The following INPP4B variants were observed in gnomAD, a reference collection of about 807,000 sequenced individuals.
The protein encoded by INPP4B is inositol polyphosphate 4-phosphatase type II.
Under a neutral mutation model 122.5 loss-of-function variants are expected in INPP4B, and 55 were observed. That is an observed-to-expected ratio of 0.45 (90% confidence interval 0.36 to 0.56). The LOEUF is 0.56. Ranked by LOEUF, INPP4B falls within the 20% of genes least tolerant of loss-of-function variation. INPP4B has a pLI of 0.00. For synonymous variants in INPP4B, 403 were observed against 388.7 expected (o/e 1.04, Z -0.43); for missense variants, 1,000 against 1,097.7 (o/e 0.91, Z 1.26).
chr4:142,498,498 G>A (rs553740286), intron 2 of INPP4B, among the ~76,000 whole-genome samples: 7 of 152,124 alleles, frequency 4.6e-5, no homozygotes, highest in South Asian at 2.1e-4. Flanking sequence ...TAAAAAAGGA[G>A]CTAATTTAGG....
rs1406419373 is a variant in INPP4B at position 142,245,996 on chromosome 4, ATGTGTATGTATACACACATG to A, written c.689-8005_689-7986del. Among the ~76,000 whole-genome samples, 127 of 136,368 alleles carry A rather than the reference ATGTGTATGTATACACACATG, an allele frequency of 9.3e-4. 2 individuals are homozygous for A. Among genetic ancestry groups the A allele is most frequent in the Non-Finnish European group, 1.3e-4 (8 of 62,572 alleles). The allele number at this position is 136,368 out of a possible 152,430, so 89.5% of individuals were successfully genotyped here. A position where few individuals can be genotyped will look rare whatever the true frequency, so the allele number is the denominator to read the frequency against. On this transcript the variant is annotated intron_variant, in intron 11 of 25. Transcript: ENST00000262992. Reference sequence around the variant, plus strand: ...CACATGTGTGTATGTATACATATATATGTGTATGTATACACACATGTGTGTATGTACACACACGTGTGTGT... The same window carrying A: ...CACATGTGTGTATGTATACATATATATGTGTATGTACACACACGTGTGTGT...
At chr4:142,147,627 T>C (rs2152850568) in intron 17 of INPP4B, among the ~76,000 whole-genome samples, 1 of 152,138 alleles carries the variant, frequency 6.6e-6, no homozygotes, top group East Asian at 1.9e-4. Flanking sequence ...TTGTTGAAAT[T>C]ATTACTATTT....
chr4:142,806,824 A>AAAGAAAG (rs1778901688), intron 1 of INPP4B, among the ~76,000 whole-genome samples: 1 of 149,802 alleles, frequency 6.7e-6, no homozygotes, highest in African/African-American at 2.5e-5. Flanking sequence ...AGAAAGAAAG[A>AAAGAAAG]AAGAAAGAAA....
intron 7 of INPP4B, among the ~76,000 whole-genome samples, chr4:142,356,476 G>T (rs920083334): frequency 6.6e-6 from 1 of 151,704 alleles, no homozygotes; most frequent in African/African-American, 2.4e-5. Context: ...AAGGGTTGGG[G>T]ATCCTGGTTA....
chr4:142,319,508 C>T (rs142471489), intron 7 of INPP4B, among the ~76,000 whole-genome samples: 2,146 of 152,282 alleles, frequency 0.014, 20 homozygotes, highest in Non-Finnish European at 0.022. Context: ...TTTTGCCCTG[C>T]TTCACAGTAT....
At chr4:142,789,812 A>G (rs979183837) in intron 1 of INPP4B, among the ~76,000 whole-genome samples, 5 of 152,178 alleles carry the variant, frequency 3.3e-5, no homozygotes, top group Non-Finnish European at 7.4e-5. Context: ...ATCTAGAAGC[A>G]TCACATTACC....
At chr4:142,448,607 A>G (rs1379522217) in intron 3 of INPP4B, among the ~76,000 whole-genome samples, 2 of 152,188 alleles carry the variant, frequency 1.3e-5, no homozygotes, top group Non-Finnish European at 2.9e-5. Context: ...AATAATGTCA[A>G]GAAAAGGTAA....
At chr4:142,517,714 C>T (rs1166886346) in intron 2 of INPP4B, among the ~76,000 whole-genome samples, 1 of 152,092 alleles carries the variant, frequency 6.6e-6, no homozygotes, top group Non-Finnish European at 1.5e-5. Context: ...GAGTCTATTT[C>T]CATTGAAAGA....
At chr4:142,032,588 A>G (rs1740995828) in intron 25 of INPP4B, among the ~76,000 whole-genome samples, 1 of 152,222 alleles carries the variant, frequency 6.6e-6, no homozygotes, top group Non-Finnish European at 1.5e-5. Context: ...TTCAAAAAAT[A>G]TATATTAGTA....
intron 1 of INPP4B, among the ~76,000 whole-genome samples, chr4:142,805,582 C>T (rs1778579046): frequency 6.6e-6 from 1 of 152,156 alleles, no homozygotes; most frequent in Non-Finnish European, 1.5e-5. Flanking sequence ...AAGACCAACC[C>T]TTCCTTTCCT....
chr4:142,488,031 C>T (rs1024979463), intron 2 of INPP4B, among the ~76,000 whole-genome samples: 1 of 151,984 alleles, frequency 6.6e-6, no homozygotes, highest in Non-Finnish European at 1.5e-5. Flanking sequence ...AAAATGTTTG[C>T]TGTAGAGTTT....
chr4:142,817,692 A>G (rs1241281779), intron 1 of INPP4B, among the ~76,000 whole-genome samples: 4 of 152,186 alleles, frequency 2.6e-5, no homozygotes, highest in Non-Finnish European at 4.4e-5. Flanking sequence ...CTGGCAGCAC[A>G]TCGCCCAGGA....
chr4:142,835,329 C>A (rs1276417657), intron 1 of INPP4B, among the ~76,000 whole-genome samples: 1 of 152,106 alleles, frequency 6.6e-6, no homozygotes, highest in Non-Finnish European at 1.5e-5. Context: ...CAGGATAAAC[C>A]ACAGGGCTCT....
At chr4:142,535,344 A>G (rs1828060411) in intron 2 of INPP4B, among the ~76,000 whole-genome samples, 1 of 152,186 alleles carries the variant, frequency 6.6e-6, no homozygotes, top group African/African-American at 2.4e-5. Flanking sequence ...CCTTTTCACA[A>G]AAACAAAATT....
chr4:142,842,803 T>C lies in INPP4B; in HGVS notation c.-254+3406A>G, dbSNP rs1440971047. On this transcript the variant is annotated intron_variant, in intron 1 of 25. Coordinates refer to ENST00000262992, the MANE Select transcript of INPP4B (RefSeq NM_001101669.3). ...ACTGATATATAAATATATAATTATA[T>C]ATAAATATGTATGATATATATAAAT... is the stretch of plus-strand genomic sequence containing the variant. 3.0e-5 allele frequency among the ~76,000 whole-genome samples: 4 copies of C among 133,200 alleles called. No homozygotes were observed. The East Asian group carries it at 8.1e-4, about 27-fold the overall frequency. 87.4% of individuals were successfully genotyped at this position (133,200 alleles called of 152,430 possible).
At chr4:142,731,745 T>C (rs1407452142) in intron 1 of INPP4B, among the ~76,000 whole-genome samples, 1 of 149,922 alleles carries the variant, frequency 6.7e-6, no homozygotes, top group Admixed American at 6.6e-5. Context: ...TTTCAGGACA[T>C]AGACTCAAAA....
At chr4:142,650,242 G>A (rs996262354) in intron 2 of INPP4B, among the ~76,000 whole-genome samples, 5 of 152,100 alleles carry the variant, frequency 3.3e-5, no homozygotes, top group Non-Finnish European at 7.4e-5. Context: ...GAAACAATTG[G>A]TACCAGCCAC....
At chr4:142,183,470 A>G (rs1292927798) in intron 15 of INPP4B, among the ~76,000 whole-genome samples, 3 of 152,168 alleles carry the variant, frequency 2.0e-5, no homozygotes, top group African/African-American at 7.2e-5. Context: ...CCATATGTAC[A>G]TTTTTTTAAA....
At chr4:142,224,153 T>C (rs1850522748) in intron 12 of INPP4B, among the ~76,000 whole-genome samples, 1 of 152,188 alleles carries the variant, frequency 6.6e-6, no homozygotes, top group Non-Finnish European at 1.5e-5. Flanking sequence ...AAATCATGCC[T>C]ACCTTGTAGG....
Sources: allele counts gnomAD v4.1 joint callset (sites outside exome capture counted in the v4.1 genomes callset), GRCh38; gene constraint gnomAD v4.1.1; transcripts MANE v1.5; gene names NCBI Gene and HGNC (gene_info 2026-07-23, HGNC 2026-07-21).